The following MTRR variants were observed in gnomAD, a reference collection of about 807,000 sequenced individuals.
MTRR encodes 5-methyltetrahydrofolate-homocysteine methyltransferase reductase.
MTRR carries 63 observed loss-of-function variants against 79.2 expected under a neutral mutation model. The observed-to-expected ratio is 0.80, with a 90% CI of 0.65 to 0.98. MTRR has a LOEUF of 0.98. Among genes scored for constraint, MTRR ranks in the 50% least tolerant of loss-of-function variants. The probability of loss-of-function intolerance (pLI) is 0.00; values close to 1 mark genes in which losing one functional copy is unlikely to be tolerated. For missense variants in MTRR, 895 were observed against 839.6 expected (o/e 1.07, Z -0.82); for synonymous variants, 355 against 313.3 (o/e 1.13, Z -1.41).
chr5:7,857,290 G>A (rs532663712), intron 1 of MTRR, among the ~76,000 whole-genome samples: 9 of 152,122 alleles, frequency 5.9e-5, no homozygotes, highest in Non-Finnish European at 1.2e-4. Flanking sequence ...GTTTGTACAG[G>A]TATAGACATA....
intron 2 of MTRR, chr5:7,872,220 CTT>C: frequency 2.2e-6 from 1 of 454,270 alleles, no homozygotes; most frequent in South Asian, 1.6e-5. Context: ...GTTGTTACCT[CTT>C]TTATCAGTGT....
rs1052453150 is a variant in MTRR at position 7,858,257 on chromosome 5, G to A, written n.392-3694G>A. ...GGGTTTCTGAGGCCTGATATGATCTGGAACAGATCTTAGGCTCAGTGTCAG... is the reference window on the plus strand; with the variant it reads ...GGGTTTCTGAGGCCTGATATGATCTAGAACAGATCTTAGGCTCAGTGTCAG... On this transcript the variant is annotated intron_variant and non_coding_transcript_variant, in intron 1 of 3. Coordinates refer to the MTRR transcript ENST00000502509. Among the ~76,000 whole-genome samples, 8 of 152,128 alleles carry A rather than the reference G, an allele frequency of 5.3e-5. No individual in the cohort carries two copies. In the South Asian group the frequency reaches 8.3e-4, roughly 16 times the overall value.
chr5:7,880,231 G>A (rs1030654446), intron 5 of MTRR, among the ~76,000 whole-genome samples: 6 of 152,224 alleles, frequency 3.9e-5, no homozygotes. Flanking sequence ...GTAGGCTAGT[G>A]TGGTGCTTTG....
At position 7,869,225 on chromosome 5, in the gene MTRR, C is replaced by T. The variant is rs772803122; in HGVS notation, c.-26+10C>T. 6.9e-6 allele frequency: 11 copies of T among 1,604,394 alleles called. No individual in the cohort carries two copies. Among genetic ancestry groups the T allele is most frequent in the East Asian group, 4.5e-5 (2 of 44,842 alleles). On this transcript the variant is annotated intron_variant, in intron 1 of 14. Coordinates refer to ENST00000440940, the MANE Select transcript of MTRR (RefSeq NM_002454.3). ...GGCTGGCGCGGCGTGGGTAAGCTGC[C>T]TGTCGGCTACGGTTCCCGGATTCCG...
In MTRR at chr5:7,875,494, C is replaced by T. The variant is rs952325305; in HGVS notation, c.401+119C>T. 1.1e-4 allele frequency: 107 copies of T among 962,144 alleles called. 2 individuals carry two copies. The highest frequency in any genetic ancestry group is 2.2e-4 in the South Asian group (17 of 76,994). The allele number at this position is 962,144 out of a possible 1,614,324, so 59.6% of individuals were successfully genotyped here. A position where few individuals can be genotyped will look rare whatever the true frequency, so the allele number is the denominator to read the frequency against. On this transcript the variant is annotated intron_variant, in intron 4 of 14. Coordinates refer to ENST00000440940, the MANE Select transcript of MTRR (RefSeq NM_002454.3). ...ATTTTCCTCATGTTTTACTTTTGTT[C>T]GCTTTTTTAGCTTTAGGATCCAAGA...
chr5:7,872,189 A>G (rs1214032867), intron 2 of MTRR: 1 of 446,072 alleles, frequency 2.2e-6, no homozygotes, highest in South Asian at 1.6e-5. Flanking sequence ...GGAAGCATTA[A>G]ATACTTCGGT....
At chr5:7,868,850 C>G, upstream of MTRR, 1 of 538,030 alleles carries the variant, frequency 1.9e-6, no homozygotes. Context: ...GGGGCGAGCA[C>G]CCCCAAACTC....
chr5:7,859,405 C>T, intron 1 of MTRR: 1 of 1,396,390 alleles, frequency 7.2e-7, no homozygotes, highest in Non-Finnish European at 1.0e-6. Context: ...AATGCAAGTT[C>T]TTCCATTGTT....
chr5:7,887,490 T>C (rs1412704571), intron 8 of MTRR, among the ~76,000 whole-genome samples: 1 of 149,796 alleles, frequency 6.7e-6, no homozygotes, highest in Non-Finnish European at 1.5e-5. Flanking sequence ...GCATTTCTAG[T>C]CTTGGGTGAG....
intron 8 of MTRR, among the ~76,000 whole-genome samples, chr5:7,886,943 C>T (rs959693688): frequency 6.6e-6 from 1 of 152,076 alleles, no homozygotes; most frequent in Non-Finnish European, 1.5e-5. Flanking sequence ...TTAAATAGGG[C>T]TTTTTCTTAG....
intron 5 of MTRR, among the ~76,000 whole-genome samples, chr5:7,882,647 C>A (rs1735761259): frequency 6.6e-6 from 1 of 152,164 alleles, no homozygotes; most frequent in South Asian, 2.1e-4. Flanking sequence ...TATAGCTACT[C>A]AAATTTAAAT....
Position 7,869,235 on chromosome 5 carries a change from C to T in MTRR, c.-26+20C>T, listed in dbSNP as rs761760698. The T allele has an allele frequency of 7.5e-6, 12 of 1,602,724 alleles. No homozygotes were observed. Among genetic ancestry groups the T allele is most frequent in the South Asian group, 1.1e-5 (1 of 91,050 alleles). Reference sequence around the variant, plus strand: ...GCGTGGGTAAGCTGCCTGTCGGCTACGGTTCCCGGATTCCGGCCGCTCGCC... The same window carrying T: ...GCGTGGGTAAGCTGCCTGTCGGCTATGGTTCCCGGATTCCGGCCGCTCGCC... On this transcript the variant is annotated intron_variant, in intron 1 of 14. Transcript: ENST00000440940.
intron 14 of MTRR, among the ~76,000 whole-genome samples, chr5:7,897,578 A>G (rs1356984060): frequency 2.0e-5 from 3 of 152,194 alleles, no homozygotes; most frequent in Non-Finnish European, 4.4e-5. Flanking sequence ...TGTTATATAT[A>G]AGAATAGGTG....
At chr5:7,876,526 C>T (rs1349664286) in intron 4 of MTRR, among the ~76,000 whole-genome samples, 1 of 152,194 alleles carries the variant, frequency 6.6e-6, no homozygotes, top group Non-Finnish European at 1.5e-5. Flanking sequence ...TTTCAGTAGA[C>T]TATAGTGCTT....
chr5:7,854,423 G>A (rs1746168086), intron 1 of MTRR, among the ~76,000 whole-genome samples: 1 of 152,044 alleles, frequency 6.6e-6, no homozygotes, highest in Non-Finnish European at 1.5e-5. Context: ...CAAGTTCCCT[G>A]TATTAGTTCG....
At chr5:7,888,463 C>T (rs573491028) in intron 8 of MTRR, among the ~76,000 whole-genome samples, 6 of 152,112 alleles carry the variant, frequency 3.9e-5, no homozygotes, top group Non-Finnish European at 5.9e-5. Context: ...AGATTTGGGG[C>T]GTCCATTCAG....
intron 1 of MTRR, 163 bp downstream of exon 1, chr5:7,869,378 CTTGGCCT>C (rs931755132): frequency 8.0e-6 from 6 of 746,396 alleles, no homozygotes; most frequent in South Asian, 3.5e-5. Context: ...GGGGCTCGGA[CTTGGCCT>C]TTGGCCTTTG....
upstream of MTRR, chr5:7,867,949 C>T: frequency 6.2e-7 from 1 of 1,614,112 alleles, no homozygotes; most frequent in South Asian, 1.1e-5. Flanking sequence ...GTCGTGAACA[C>T]AACCAAGGGC....
intron 1 of MTRR, among the ~76,000 whole-genome samples, chr5:7,857,501 G>A (rs1746283068): frequency 6.6e-6 from 1 of 152,212 alleles, no homozygotes; most frequent in African/African-American, 2.4e-5. Flanking sequence ...AACCCTGTAT[G>A]CTTTACACTG....
Sources: allele counts gnomAD v4.1 joint callset (sites outside exome capture counted in the v4.1 genomes callset), GRCh38; gene constraint gnomAD v4.1.1; transcripts MANE v1.5; gene names NCBI Gene and HGNC (gene_info 2026-07-23, HGNC 2026-07-21).